Variants in CDYL observed in about 807,000 individuals in gnomAD.
CDYL encodes chromodomain Y like, also known as chromodomain Y-like protein.
CDYL carries 8 observed loss-of-function variants against 47.3 expected under a neutral mutation model. The ratio of observed to expected loss-of-function variants is 0.17; its 90% confidence interval spans 0.10 to 0.31. CDYL has a LOEUF of 0.31. CDYL is among the 10% of genes least tolerant of loss of function. The pLI, the probability that CDYL is intolerant of heterozygous loss-of-function variation, is 1.00. For missense variants in CDYL, 471 were observed against 701.4 expected, an observed-to-expected ratio of 0.67 and a Z score of 3.71; for synonymous variants, 266 against 265.0, an observed-to-expected ratio of 1.00 and a Z score of -0.04.
chr6:4,790,112 G>T lies in CDYL; in HGVS notation c.24+13305G>T, dbSNP rs187701255. Among the ~76,000 whole-genome samples, 453 of 152,272 alleles carry T rather than the reference G, an allele frequency of 3.0e-3. 2 individuals carry two copies. Among genetic ancestry groups the T allele is most frequent in the African/African-American group, 0.01 (430 of 41,548 alleles). ...CAACAAGCATATAGGAAGATTTGCT[G>T]TTCTCCTCAGTTATCTCTTTTGGAT... On this transcript the variant is annotated intron_variant, in intron 1 of 6. Coordinates refer to ENST00000397588, the MANE Select transcript of CDYL (RefSeq NM_004824.4).
intron 1 of CDYL, among the ~76,000 whole-genome samples, chr6:4,862,589 G>A (rs1246803269): frequency 6.6e-6 from 1 of 152,154 alleles, no homozygotes; most frequent in African/African-American, 2.4e-5. Context: ...CCTACCTTTG[G>A]GGGCTGTTAA....
At chr6:4,755,267 C>G (rs1758058198) in intron 3 of CDYL, among the ~76,000 whole-genome samples, 1 of 150,444 alleles carries the variant, frequency 6.6e-6, no homozygotes, top group Non-Finnish European at 1.5e-5. Flanking sequence ...GACGGGGTTT[C>G]CCCCTGTTGG....
In CDYL at chr6:4,935,069, C is replaced by T. The variant is rs140224389; in HGVS notation, c.692-446C>T. Among the ~76,000 whole-genome samples the T allele has an allele frequency of 9.5e-4, 144 of 152,322 alleles. 1 individual carries two copies. Among genetic ancestry groups the T allele is most frequent in the African/African-American group, 3.3e-3 (136 of 41,572 alleles). ...CCGCAGAGAAGGCTGGCTGCATCCA[C>T]GTGTCTATCCAGTTTATCTTGCATT... On this transcript the variant is annotated intron_variant, in intron 2 of 6. Coordinates refer to ENST00000397588, the MANE Select transcript of CDYL (RefSeq NM_004824.4).
intron 6 of CDYL, 22 bp from the exon 7 acceptor site, chr6:4,953,876 G>A (rs967665795): frequency 1.2e-6 from 2 of 1,608,106 alleles, no homozygotes; most frequent in African/African-American, 2.7e-5. Flanking sequence ...CCTGCTAACT[G>A]GCTGCTTGTT....
chr6:4,726,402 C>T (rs935521613), intron 2 of CDYL, among the ~76,000 whole-genome samples: 1 of 151,898 alleles, frequency 6.6e-6, no homozygotes, highest in Non-Finnish European at 1.5e-5. Flanking sequence ...AGGCGTGGTA[C>T]GCACCTGTAA....
chr6:4,719,796 A>G (rs191389741), intron 2 of CDYL, among the ~76,000 whole-genome samples: 1 of 152,302 alleles, frequency 6.6e-6, no homozygotes, highest in Non-Finnish European at 1.5e-5. Flanking sequence ...CTTCATTGAA[A>G]CAGTCACCAG....
intron 5 of CDYL, among the ~76,000 whole-genome samples, chr6:4,951,377 T>A (rs886939343): frequency 6.6e-6 from 1 of 152,058 alleles, no homozygotes; most frequent in African/African-American, 2.4e-5. Context: ...TATCTCGGCA[T>A]CTGTGAGCCT....
intron 1 of CDYL, among the ~76,000 whole-genome samples, chr6:4,798,776 G>C (rs573206668): frequency 2.0e-5 from 3 of 152,308 alleles, no homozygotes; most frequent in African/African-American, 7.2e-5. Context: ...ATTTATCAGT[G>C]AAGCTATTGG....
At chr6:4,852,362 CCTTCCTTCCTCCTTCCTTCCTAT>C (rs1581212365) in intron 1 of CDYL, among the ~76,000 whole-genome samples, 1 of 149,364 alleles carries the variant, frequency 6.7e-6, no homozygotes, top group East Asian at 2.0e-4. Context: ...AATCTTCCTT[CCTTCCTTCCTCCTTCCTTCCTAT>C]CTTCCTTCCT....
At chr6:4,894,741 A>G (rs1426171456) in intron 2 of CDYL, among the ~76,000 whole-genome samples, 1 of 152,052 alleles carries the variant, frequency 6.6e-6, no homozygotes, top group Non-Finnish European at 1.5e-5. Context: ...GAGCCACTGC[A>G]TCTGACCTAC....
At chr6:4,888,709 A>G (rs1761962304) in intron 1 of CDYL, among the ~76,000 whole-genome samples, 1 of 152,012 alleles carries the variant, frequency 6.6e-6, no homozygotes, top group Admixed American at 6.5e-5. Context: ...GGGTTAGGTT[A>G]TTGATTTGAG....
intron 3 of CDYL, among the ~76,000 whole-genome samples, chr6:4,765,870 G>C (rs1758244618): frequency 6.6e-6 from 1 of 151,894 alleles, no homozygotes; most frequent in Admixed American, 6.6e-5. Flanking sequence ...GTTGAACAAA[G>C]TCATCTTAAG....
chr6:4,901,897 T>C (rs1322437090), intron 2 of CDYL, among the ~76,000 whole-genome samples: 1 of 152,146 alleles, frequency 6.6e-6, no homozygotes, highest in Non-Finnish European at 1.5e-5. Context: ...GCCTCCACTT[T>C]TTCAGTCAGG....
At chr6:4,766,993 C>A (rs1581153083) in intron 3 of CDYL, among the ~76,000 whole-genome samples, 1 of 151,758 alleles carries the variant, frequency 6.6e-6, no homozygotes, top group Non-Finnish European at 1.5e-5. Flanking sequence ...CAAAGTGAGA[C>A]CCTGTCTAAA....
At chr6:4,707,012 A>G (rs1757058252) in intron 1 of CDYL, among the ~76,000 whole-genome samples, 1 of 152,204 alleles carries the variant, frequency 6.6e-6, no homozygotes, top group Non-Finnish European at 1.5e-5. Flanking sequence ...GAGTTGGAAG[A>G]TAAAACAGAG....
rs775103889 is a variant in CDYL, at chr6:4,791,710, G to GAA, written c.24+14913_24+14914dup. 2.1e-3 allele frequency among the ~76,000 whole-genome samples: 299 copies of GAA among 141,926 alleles called. 1 individual carries two copies. The highest frequency in any genetic ancestry group is 7.5e-3 in the African/African-American group (293 of 38,982). 93.1% of individuals were successfully genotyped at this position (141,926 alleles called of 152,430 possible). ...ACTGAGCAAAGAAACATCAAAGAAA[G>GAA]AAAAAAAAAAAGTCCCATGCCCTAC... is the stretch of plus-strand genomic sequence containing the variant. On this transcript the variant is annotated intron_variant, in intron 1 of 6. Transcript: ENST00000397588.
At chr6:4,922,945 C>T (rs1757760528) in intron 2 of CDYL, among the ~76,000 whole-genome samples, 2 of 152,216 alleles carry the variant, frequency 1.3e-5, no homozygotes, top group South Asian at 2.1e-4. Flanking sequence ...TTTTTCCCCC[C>T]TTTTATTTTT....
chr6:4,753,158 C>T (rs947008375), intron 3 of CDYL, among the ~76,000 whole-genome samples: 1 of 152,082 alleles, frequency 6.6e-6, no homozygotes, highest in Non-Finnish European at 1.5e-5. Context: ...GCAATCTGCC[C>T]GCCTCTGCCT....
At chr6:4,778,999 A>T (rs375954013) in intron 1 of CDYL, among the ~76,000 whole-genome samples, 1 of 152,218 alleles carries the variant, frequency 6.6e-6, no homozygotes, top group East Asian at 1.9e-4. Flanking sequence ...ATGAGAACAT[A>T]TGTAAAGCCC....
Sources: gnomAD v4.1 joint callset for allele counts (sites outside exome capture counted in the v4.1 genomes callset) on GRCh38, gnomAD v4.1.1 for gene constraint, MANE v1.5 for transcripts, NCBI Gene and HGNC (gene_info 2026-07-23, HGNC 2026-07-21) for gene names.